The following ZNF536 variants were observed in gnomAD, a reference collection of about 807,000 sequenced individuals.
The protein encoded by ZNF536 is zinc finger protein 536.
In ZNF536, 13 loss-of-function variants were observed where a neutral mutation model predicts 84.5. The observed-to-expected ratio is 0.15, with a 90% confidence interval of 0.10 to 0.24. The LOEUF (loss-of-function observed/expected upper bound fraction) is 0.24. Ranked by LOEUF, ZNF536 falls within the 10% of genes least tolerant of loss-of-function variation. The pLI is 1.00. For synonymous variants in ZNF536, 811 were observed against 742.5 expected, an observed-to-expected ratio of 1.09 and a Z score of -1.50; for missense variants, 1,536 against 1,747.5, an observed-to-expected ratio of 0.88 and a Z score of 2.16.
chr19:30,614,393 A>G (rs1395588412), intron 1 of ZNF536, among the ~76,000 whole-genome samples: 1 of 150,698 alleles, frequency 6.6e-6, no homozygotes, highest in Non-Finnish European at 1.5e-5. Flanking sequence ...ACATAACTAT[A>G]TATATATATA....
chr19:30,317,649 G>A lies in ZNF536; in HGVS notation c.-120+33508G>A, dbSNP rs114967128. ...ACCATTTGCGCCTGGCTGCTGGAGCGGGGCTGGGCATTCCTTCTGGAGGGG... is the reference window on the plus strand; with the variant it reads ...ACCATTTGCGCCTGGCTGCTGGAGCAGGGCTGGGCATTCCTTCTGGAGGGG... On this transcript the variant is annotated intron_variant, in intron 2 of 5. Coordinates refer to the ZNF536 transcript ENST00000585628. Among the ~76,000 whole-genome samples, 933 of 152,324 alleles carry A rather than the reference G, an allele frequency of 6.1e-3. 12 individuals carry two copies. The highest frequency in any genetic ancestry group is 0.021 in the African/African-American group (860 of 41,572).
At chr19:30,468,937 C>T (rs1445835637) in intron 2 of ZNF536, among the ~76,000 whole-genome samples, 1 of 152,050 alleles carries the variant, frequency 6.6e-6, no homozygotes, top group African/African-American at 2.4e-5. Context: ...AGGATTGTCA[C>T]ACCCACCCCA....
intron 2 of ZNF536, among the ~76,000 whole-genome samples, chr19:30,487,094 A>G (rs911797575): frequency 2.0e-5 from 3 of 152,238 alleles, no homozygotes; most frequent in African/African-American, 7.2e-5. Flanking sequence ...TAAGTGGTTG[A>G]AAGATCTGTA....
At chr19:30,342,178 G>A (rs1481594040) in intron 2 of ZNF536, among the ~76,000 whole-genome samples, 3 of 152,100 alleles carry the variant, frequency 2.0e-5, no homozygotes, top group Non-Finnish European at 4.4e-5. Flanking sequence ...CATTTTAGAT[G>A]TATAAGTCAT....
At chr19:30,600,110 GAC>G (rs1410940503) in intron 1 of ZNF536, among the ~76,000 whole-genome samples, 1 of 20,908 alleles carries the variant, frequency 4.8e-5, no homozygotes, top group Non-Finnish European at 8.3e-5. Context: ...TATTCTTGGA[GAC>G]AGAGTTTCTC....
intron 3 of ZNF536, among the ~76,000 whole-genome samples, chr19:30,356,969 A>G (rs929282517): frequency 6.6e-6 from 1 of 152,126 alleles, no homozygotes; most frequent in Non-Finnish European, 1.5e-5. Flanking sequence ...GTTCTTCCCA[A>G]TTTTAGAGCC....
chr19:30,446,245 T>A (rs1441693011), intron 2 of ZNF536, among the ~76,000 whole-genome samples: 1 of 9,748 alleles, frequency 1.0e-4, no homozygotes, highest in African/African-American at 4.8e-4. Flanking sequence ...TGAGACACTG[T>A]CTCAAAAAAA....
intron 3 of ZNF536, among the ~76,000 whole-genome samples, chr19:30,363,995 A>G (rs1271689908): frequency 6.6e-6 from 1 of 152,168 alleles, no homozygotes; most frequent in Admixed American, 6.5e-5. Context: ...CTGAGGGCAG[A>G]TAGGTGTGTT....
intron 3 of ZNF536, among the ~76,000 whole-genome samples, chr19:30,541,030 C>T (rs1366212515): frequency 1.3e-5 from 2 of 152,152 alleles, no homozygotes; most frequent in Non-Finnish European, 2.9e-5. Context: ...GGGATGGAAA[C>T]GGGGTGGGGG....
intron 1 of ZNF536, among the ~76,000 whole-genome samples, chr19:30,608,992 C>T (rs1310516739): frequency 1.3e-5 from 2 of 152,184 alleles, no homozygotes; most frequent in African/African-American, 4.8e-5. Context: ...CAAAAGGGCC[C>T]ATACGTGTCT....
chr19:30,496,683 T>TG (rs1439895479), intron 2 of ZNF536, among the ~76,000 whole-genome samples: 6 of 151,558 alleles, frequency 4.0e-5, no homozygotes, highest in East Asian at 3.9e-4. Context: ...GTAGTAGAGA[T>TG]GGGGGGGTTT....
chr19:30,286,964 G>C (rs2045651711), intron 2 of ZNF536, among the ~76,000 whole-genome samples: 1 of 152,196 alleles, frequency 6.6e-6, no homozygotes, highest in Non-Finnish European at 1.5e-5. Flanking sequence ...AAATGGCTCT[G>C]ATTTACCTTT....
chr19:30,640,265 A>T (rs886610434), intron 1 of ZNF536, among the ~76,000 whole-genome samples: 2 of 151,176 alleles, frequency 1.3e-5, no homozygotes, highest in Admixed American at 1.3e-4. Context: ...GAAAAAAAAA[A>T]TTGGTTATAT....
rs772761287 is a variant in ZNF536 at position 30,545,385 on chromosome 19, C to CTTT, written c.2324-2530_2324-2528dup. Among the ~76,000 whole-genome samples the CTTT allele has an allele frequency of 2.6e-3, 179 of 67,674 alleles. 30 individuals are homozygous for CTTT. Among genetic ancestry groups the CTTT allele is most frequent in the African/African-American group, 8.4e-3 (140 of 16,728 alleles). 44.4% of individuals were successfully genotyped at this position (67,674 alleles called of 152,430 possible). On this transcript the variant is annotated intron_variant, in intron 3 of 4. Transcript: ENST00000355537. ...TTAAGTACTACCCGCTCCCATATGT[C>CTTT]TTTTTTTTTTTTTTTTTTTTTTTTT...
At chr19:30,294,082 C>T (rs550641537) in intron 2 of ZNF536, among the ~76,000 whole-genome samples, 11 of 152,260 alleles carry the variant, frequency 7.2e-5, no homozygotes, top group South Asian at 2.1e-4. Flanking sequence ...TCTTCTACTC[C>T]GACGGTCCCT....
At chr19:30,635,967 G>A (rs554257383) in intron 1 of ZNF536, among the ~76,000 whole-genome samples, 3 of 152,340 alleles carry the variant, frequency 2.0e-5, no homozygotes, top group African/African-American at 4.8e-5. Flanking sequence ...CCCAGAGGAT[G>A]AGTGGGCCGC....
intron 1 of ZNF536, among the ~76,000 whole-genome samples, chr19:30,383,452 G>A (rs1241191151): frequency 6.6e-6 from 1 of 152,126 alleles, no homozygotes; most frequent in Non-Finnish European, 1.5e-5. Context: ...GTTCCAGGAG[G>A]CCCTGTGGAG....
chr19:30,629,731 C>T (rs775906675), intron 1 of ZNF536, among the ~76,000 whole-genome samples: 4 of 152,228 alleles, frequency 2.6e-5, no homozygotes, highest in East Asian at 1.9e-4. Flanking sequence ...GAATCTGCCA[C>T]GAGTTTCTCT....
chr19:30,434,515 C>A (rs62101953), intron 1 of ZNF536, among the ~76,000 whole-genome samples: 5,863 of 152,326 alleles, frequency 0.038, 181 homozygotes, highest in South Asian at 0.08. Context: ...GCCAGCCTGG[C>A]CACTGGCATG....
Sources: gnomAD v4.1 joint callset for allele counts (sites outside exome capture counted in the v4.1 genomes callset) on GRCh38, gnomAD v4.1.1 for gene constraint, MANE v1.5 for transcripts, NCBI Gene and HGNC (gene_info 2026-07-23, HGNC 2026-07-21) for gene names.